CCR5AS: variants seen among roughly 807,000 people sequenced by gnomAD.
CCR5AS encodes the protein CCR5 antisense RNA.
At chr3:46,384,592 A>T (rs551633122) in intron 2 of CCR5AS, among the ~76,000 whole-genome samples, 1 of 152,182 alleles carries the variant, frequency 6.6e-6, no homozygotes, top group Non-Finnish European at 1.5e-5. Context: ...GTTACTGTGA[A>T]CAGTGTCGGG....
Position 46,381,514 on chromosome 3 carries a change from A to T in CCR5AS, n.392-10097T>A, listed in dbSNP as rs528795602. 3.9e-5 allele frequency among the ~76,000 whole-genome samples: 6 copies of T among 152,330 alleles called. No homozygotes were observed. In the East Asian group the frequency reaches 1.2e-3, roughly 29 times the overall value. ...CTGAAGAGCAGATATCTGATAACTT[A>T]ATCTTTTTGGTTTTGAGTCAAGACA... On this transcript the variant is annotated intron_variant and non_coding_transcript_variant, in intron 2 of 3. Coordinates refer to ENST00000451485, the Ensembl canonical transcript of CCR5AS.
At chr3:46,381,955 T>C (rs899627802) in intron 2 of CCR5AS, among the ~76,000 whole-genome samples, 3 of 152,198 alleles carry the variant, frequency 2.0e-5, no homozygotes, top group Admixed American at 6.5e-5. Flanking sequence ...AGAAATTATT[T>C]AGGTGGTTAG....
intron 3 of CCR5AS, among the ~76,000 whole-genome samples, chr3:46,370,377 G>T (rs1029021182): frequency 1.3e-5 from 2 of 152,020 alleles, no homozygotes; most frequent in African/African-American, 4.8e-5. Flanking sequence ...CAATAATATT[G>T]GGTGGTGAGC....
intron 2 of CCR5AS, chr3:46,372,644 T>C (rs993386612): frequency 5.9e-6 from 2 of 337,268 alleles, no homozygotes; most frequent in Non-Finnish European, 1.1e-5. Context: ...AGATTTTATT[T>C]GGTGAGATGG....
exon 2 of CCR5AS, chr3:46,392,886 T>A (rs757400835): frequency 9.4e-6 from 2 of 211,930 alleles, no homozygotes; most frequent in Non-Finnish European, 1.8e-5. Flanking sequence ...CGTAGGTGGA[T>A]CTTCTCATGG....
At chr3:46,404,265 G>A (rs994495963) in intron 1 of CCR5AS, among the ~76,000 whole-genome samples, 11 of 146,914 alleles carry the variant, frequency 7.5e-5, no homozygotes, top group Non-Finnish European at 1.5e-4. Flanking sequence ...CCAACCATTT[G>A]TGGCTTTAGT....
intron 1 of CCR5AS, among the ~76,000 whole-genome samples, chr3:46,403,163 C>G (rs1354210884): frequency 6.6e-6 from 1 of 152,158 alleles, no homozygotes; most frequent in Non-Finnish European, 1.5e-5. Context: ...TAGGTTTATT[C>G]CATGTCTTTG....
chr3:46,365,395 A>G (rs920236602), intron 3 of CCR5AS, among the ~76,000 whole-genome samples: 2 of 152,224 alleles, frequency 1.3e-5, no homozygotes, highest in South Asian at 4.1e-4. Flanking sequence ...ATTTTTAGCA[A>G]TACAATATTT....
At chr3:46,373,443 C>T in intron 2 of CCR5AS, 1 of 1,593,272 alleles carries the variant, frequency 6.3e-7, no homozygotes, top group Non-Finnish European at 8.6e-7. Flanking sequence ...CTGCAGCTCT[C>T]ATTTTCCATA....
chr3:46,388,174 A>G (rs895574892), intron 2 of CCR5AS, among the ~76,000 whole-genome samples: 3 of 152,134 alleles, frequency 2.0e-5, no homozygotes, highest in Non-Finnish European at 2.9e-5. Context: ...ATAGTGATGA[A>G]ATGTTGGGGC....
intron 3 of CCR5AS, among the ~76,000 whole-genome samples, chr3:46,368,545 G>A (rs7637813): frequency 0.77 from 117,426 of 152,184 alleles, 46,021 homozygotes; most frequent in African/African-American, 0.91. Flanking sequence ...GTGGAGTAAC[G>A]CACACTGCAA....
At chr3:46,393,486 G>GAAAA (rs1336598367) in intron 1 of CCR5AS, among the ~76,000 whole-genome samples, 16 of 136,238 alleles carry the variant, frequency 1.2e-4, no homozygotes, top group Admixed American at 1.1e-3. Context: ...GAAAAGAAAA[G>GAAAA]AAAAAAAAAG....
chr3:46,398,121 AGTGG>A (rs1231599630), intron 1 of CCR5AS, among the ~76,000 whole-genome samples: 1 of 152,226 alleles, frequency 6.6e-6, no homozygotes, highest in Non-Finnish European at 1.5e-5. Context: ...CTAGGCTTTA[AGTGG>A]TATGGGAAAA....
chr3:46,380,886 G>T (rs899598104), intron 2 of CCR5AS, among the ~76,000 whole-genome samples: 3 of 152,186 alleles, frequency 2.0e-5, no homozygotes, highest in Non-Finnish European at 4.4e-5. Context: ...GAGAAATACT[G>T]CCTAAAGCCT....
chr3:46,401,293 A>G (rs976760725), intron 1 of CCR5AS, among the ~76,000 whole-genome samples: 7 of 152,242 alleles, frequency 4.6e-5, no homozygotes, highest in African/African-American at 1.7e-4. Context: ...CTTCATGGTA[A>G]GCAAAGGACT....
intron 1 of CCR5AS, among the ~76,000 whole-genome samples, chr3:46,393,511 A>T (rs1252018342): frequency 2.0e-5 from 3 of 151,912 alleles, no homozygotes; most frequent in Non-Finnish European, 2.9e-5. Context: ...AGAAAAAAAA[A>T]TTTTTTTTCC....
exon 4 of CCR5AS, chr3:46,364,965 C>T (rs1399584353): frequency 6.6e-6 from 1 of 152,606 alleles, no homozygotes; most frequent in African/African-American, 2.4e-5. Flanking sequence ...CATGATCAAA[C>T]TTGAACAGAT....
intron 2 of CCR5AS, chr3:46,373,514 C>T (rs750894443): frequency 5.6e-5 from 90 of 1,613,998 alleles, no homozygotes; most frequent in Non-Finnish European, 7.4e-5. Context: ...TGGGGCTGGT[C>T]CTGCCGCTGC....
intron 2 of CCR5AS, among the ~76,000 whole-genome samples, chr3:46,392,493 G>A (rs1034272191): frequency 6.6e-6 from 1 of 152,174 alleles, no homozygotes; most frequent in Non-Finnish European, 1.5e-5. Flanking sequence ...AGCAGCCCTG[G>A]GCTGTCATGT....
Sources: gnomAD v4.1 joint callset for allele counts (sites outside exome capture counted in the v4.1 genomes callset) on GRCh38, gnomAD v4.1.1 for gene constraint, MANE v1.5 for transcripts, NCBI Gene and HGNC (gene_info 2026-07-23, HGNC 2026-07-21) for gene names.